EYS: variants seen among roughly 807,000 people sequenced by gnomAD.
EYS encodes the protein protein eyes shut homolog.
EYS carries 250 observed loss-of-function variants against 282.1 expected under a neutral mutation model. That is an observed-to-expected ratio of 0.89 (90% CI 0.80 to 0.98). The LOEUF (loss-of-function observed/expected upper bound fraction) is 0.98, where lower values mean the gene tolerates loss of function less well. EYS is among the 50% of genes least tolerant of loss of function. The pLI, the probability that EYS is intolerant of heterozygous loss-of-function variation, is 0.00. For missense variants in EYS, 4,016 were observed against 3,709.0 expected (o/e 1.08, Z -2.15); for synonymous variants, 1,355 against 1,282.9 (o/e 1.06, Z -1.20).
At chr6:64,940,044 C>T (rs539803055) in intron 15 of EYS, among the ~76,000 whole-genome samples, 5 of 152,074 alleles carry the variant, frequency 3.3e-5, no homozygotes, top group African/African-American at 1.2e-4. Context: ...CTTGTCTTTT[C>T]CTCCATCCTC....
intron 19 of EYS, among the ~76,000 whole-genome samples, chr6:64,863,115 CT>C (rs1286717543): frequency 6.6e-6 from 1 of 151,966 alleles, no homozygotes; most frequent in Admixed American, 6.6e-5. Flanking sequence ...CCATAGGTTA[CT>C]GGGTCTATAC....
At chr6:64,406,494 G>A (rs986570001) in intron 28 of EYS, among the ~76,000 whole-genome samples, 7 of 152,102 alleles carry the variant, frequency 4.6e-5, no homozygotes, top group African/African-American at 1.4e-4. Flanking sequence ...CTTCTGCACA[G>A]CAAAAGAAAC....
intron 5 of EYS, among the ~76,000 whole-genome samples, chr6:65,448,429 A>G (rs183497774): frequency 1.6e-3 from 247 of 151,924 alleles, no homozygotes; most frequent in Non-Finnish European, 2.9e-3. Context: ...AAAACTGTGA[A>G]AAGTTTTATT....
chr6:64,752,175 A>G (rs1245217375), intron 22 of EYS, among the ~76,000 whole-genome samples: 1 of 152,152 alleles, frequency 6.6e-6, no homozygotes, highest in African/African-American at 2.4e-5. Context: ...TTGAAATACC[A>G]GATAAATAAT....
At chr6:65,025,809 T>C (rs941205193) in intron 13 of EYS, among the ~76,000 whole-genome samples, 1 of 152,094 alleles carries the variant, frequency 6.6e-6, no homozygotes, top group South Asian at 2.1e-4. Context: ...GTGAGAGAAA[T>C]ATGTGTTTTA....
At chr6:64,973,373 A>G (rs1770362934) in intron 14 of EYS, among the ~76,000 whole-genome samples, 1 of 152,036 alleles carries the variant, frequency 6.6e-6, no homozygotes, top group Admixed American at 6.6e-5. Context: ...TTCCTTATGT[A>G]TGTGTATATA....
intron 1 of EYS, among the ~76,000 whole-genome samples, chr6:65,654,539 T>C (rs1042318387): frequency 1.3e-5 from 2 of 151,800 alleles, no homozygotes; most frequent in Admixed American, 1.3e-4. Context: ...AGGTTTAAAT[T>C]TGGTTTTCCT....
intron 12 of EYS, among the ~76,000 whole-genome samples, chr6:65,155,041 C>G (rs978500398): frequency 1.3e-5 from 2 of 151,490 alleles, no homozygotes; most frequent in African/African-American, 4.8e-5. Flanking sequence ...CAATGGAACA[C>G]AGGCATGCTA....
chr6:64,196,594 G>C, intron 31 of EYS, among the ~76,000 whole-genome samples: 1 of 151,986 alleles, frequency 6.6e-6, no homozygotes, highest in African/African-American at 2.4e-5. Flanking sequence ...GTCCTTTATA[G>C]GGACATGGAT....
At chr6:63,863,761 A>G (rs907209386) in intron 36 of EYS, among the ~76,000 whole-genome samples, 3 of 141,056 alleles carry the variant, frequency 2.1e-5, no homozygotes, top group Non-Finnish European at 4.5e-5. Flanking sequence ...CTGCAACCTC[A>G]CCCTCCTGGG....
chr6:65,043,476 T>C (rs2150150455), intron 13 of EYS, among the ~76,000 whole-genome samples: 1 of 151,598 alleles, frequency 6.6e-6, no homozygotes, highest in Admixed American at 6.6e-5. Flanking sequence ...CACTGCTATG[T>C]AATAGATTTC....
intron 5 of EYS, among the ~76,000 whole-genome samples, chr6:65,428,869 G>C (rs1360733260): frequency 6.6e-6 from 1 of 152,050 alleles, no homozygotes; most frequent in Non-Finnish European, 1.5e-5. Flanking sequence ...GCACCAATAT[G>C]AAATTGTGGC....
intron 36 of EYS, among the ~76,000 whole-genome samples, chr6:63,847,730 C>G (rs898573333): frequency 6.6e-6 from 1 of 152,134 alleles, no homozygotes; most frequent in Admixed American, 6.5e-5. Flanking sequence ...CATGATGATG[C>G]CTCTAAAAGT....
intron 29 of EYS, among the ~76,000 whole-genome samples, chr6:64,317,533 A>G (rs772247966): frequency 2.2e-4 from 33 of 152,198 alleles, no homozygotes; most frequent in Admixed American, 5.9e-4. Context: ...GAAACAACAG[A>G]TGCTGGAGAG....
At chr6:64,235,724 A>G (rs879927486) in intron 30 of EYS, among the ~76,000 whole-genome samples, 2 of 152,100 alleles carry the variant, frequency 1.3e-5, no homozygotes, top group African/African-American at 2.4e-5. Context: ...AAAGTGTTCC[A>G]ATTTCTCCAT....
At chr6:63,982,145 T>G (rs1290194416) in intron 35 of EYS, among the ~76,000 whole-genome samples, 1 of 151,886 alleles carries the variant, frequency 6.6e-6, no homozygotes, top group Non-Finnish European at 1.5e-5. Flanking sequence ...AAAATAAACC[T>G]TATCCTTACC....
In EYS at chr6:65,392,755, T is replaced by G. The variant is rs1317956328; in HGVS notation, c.1185-8255A>C. ...TAAACTAGTTCAACCATTGTGGAAG[T>G]CAGTGTGGCGATTCCTCAGGGATCT... On this transcript the variant is annotated intron_variant, in intron 7 of 42. Transcript: ENST00000503581. Among the ~76,000 whole-genome samples the G allele has an allele frequency of 1.7e-4, 26 of 151,356 alleles. No homozygotes were observed. In the Admixed American group the frequency reaches 1.7e-3, roughly 10 times the overall value.
intron 37 of EYS, among the ~76,000 whole-genome samples, chr6:63,801,136 T>C (rs1026517847): frequency 6.6e-6 from 1 of 152,160 alleles, no homozygotes; most frequent in Non-Finnish European, 1.5e-5. Context: ...TGGACTTGTA[T>C]GTTAGAACCA....
intron 12 of EYS, among the ~76,000 whole-genome samples, chr6:65,073,696 C>G (rs1773965930): frequency 6.7e-6 from 1 of 150,294 alleles, no homozygotes; most frequent in African/African-American, 2.4e-5. Flanking sequence ...ATTTTGTTGT[C>G]CCTTATTTTA....
Sources: allele counts gnomAD v4.1 joint callset (sites outside exome capture counted in the v4.1 genomes callset), GRCh38; gene constraint gnomAD v4.1.1; transcripts MANE v1.5; gene names NCBI Gene and HGNC (gene_info 2026-07-23, HGNC 2026-07-21).